Variants in PUDP observed in about 807,000 individuals in gnomAD.
PUDP encodes the protein pseudouridine-5'-phosphatase.
A neutral mutation model predicts 9.4 loss-of-function variants in PUDP; 8 were observed. That is an observed-to-expected ratio of 0.85 (90% CI 0.50 to 1.53). PUDP has a LOEUF of 1.53. Among genes scored for constraint, PUDP ranks in the 40% most tolerant of loss-of-function variants. PUDP has a pLI of 0.00. For missense variants in PUDP, 188 were observed against 189.7 expected (o/e 0.99, Z 0.05); for synonymous variants, 99 against 80.7 (o/e 1.23, Z -1.22).
At chrX:7,107,847 G>A (rs1432326923) in intron 1 of PUDP, among the ~76,000 whole-genome samples, 3 of 112,218 alleles carry the variant, frequency 2.7e-5, no homozygotes, top group African/African-American at 6.5e-5. Flanking sequence ...AGAGAGTTAG[G>A]GCAGGTTTTA....
intron 3 of PUDP, among the ~76,000 whole-genome samples, chrX:6,830,740 T>G (rs1218426427): frequency 2.7e-5 from 3 of 112,126 alleles, no homozygotes; most frequent in African/African-American, 9.7e-5. Flanking sequence ...TTAAGTGTAG[T>G]TATCAAAATA....
chrX:7,111,029 A>C (rs192908185), intron 1 of PUDP, among the ~76,000 whole-genome samples: 21 of 111,392 alleles, frequency 1.9e-4, no homozygotes, highest in Admixed American at 2.8e-4. Flanking sequence ...CCAAGTGTGG[A>C]GGGAGGGAGG....
At chrX:6,720,287 T>TATATATAC (rs1162322257) in intron 1 of PUDP, among the ~76,000 whole-genome samples, 18 of 83,137 alleles carry the variant, frequency 2.2e-4, no homozygotes, top group East Asian at 1.1e-3. Flanking sequence ...TATATATATA[T>TATATATAC]ACACACACAC....
At chrX:6,847,682 T>C (rs1045296608) in intron 3 of PUDP, among the ~76,000 whole-genome samples, 2 of 112,461 alleles carry the variant, frequency 1.8e-5, no homozygotes, top group African/African-American at 6.5e-5. Flanking sequence ...ATAAGTGTAT[T>C]GGTTAGCTAT....
At chrX:7,125,989 T>C (rs1320717295) in intron 1 of PUDP, among the ~76,000 whole-genome samples, 6 of 110,884 alleles carry the variant, frequency 5.4e-5, no homozygotes, top group Admixed American at 9.6e-5. Flanking sequence ...GCATTCCCTA[T>C]CAATGGCCTG....
chrX:6,816,921 A>G (rs754395251), intron 3 of PUDP, among the ~76,000 whole-genome samples: 1 of 95,314 alleles, frequency 1.0e-5, no homozygotes, highest in African/African-American at 3.9e-5. Context: ...TATAGTATAT[A>G]TAATATATAT....
At chrX:6,751,363 C>A (rs181021316) in intron 3 of PUDP, among the ~76,000 whole-genome samples, 1 of 111,211 alleles carries the variant, frequency 9.0e-6, no homozygotes, top group Admixed American at 9.5e-5. Context: ...CTTGACAATT[C>A]CCTTCGCAAA....
rs1461137101 is a variant in PUDP at position 6,742,991 on chromosome X, C to A, written c.*248-36525G>T. ...AAAAGCCCCCTTTTAAAATGCTGGACTTCTTTGTTTGGAAAAATGGGAACC... is the reference window on the plus strand; with the variant it reads ...AAAAGCCCCCTTTTAAAATGCTGGAATTCTTTGTTTGGAAAAATGGGAACC... On this transcript the variant is annotated intron_variant and NMD_transcript_variant, in intron 3 of 3. Transcript: ENST00000655425. Among the ~76,000 whole-genome samples, 6 of 111,869 alleles carry A rather than the reference C, an allele frequency of 5.4e-5. No homozygotes were observed. In the East Asian group the frequency reaches 1.7e-3, roughly 31 times the overall value.
At chrX:6,907,311 C>T (rs1172519191) in intron 3 of PUDP, among the ~76,000 whole-genome samples, 1 of 111,503 alleles carries the variant, frequency 9.0e-6, no homozygotes, top group Non-Finnish European at 1.9e-5. Flanking sequence ...CTCCACAGCC[C>T]TGTGGAAATG....
At chrX:7,007,579 AT>A (rs1292489757) in intron 1 of PUDP, among the ~76,000 whole-genome samples, 2 of 112,734 alleles carry the variant, frequency 1.8e-5, no homozygotes, top group Non-Finnish European at 3.8e-5. Context: ...ATATTGAGCA[AT>A]GAGGCATCTC....
chrX:6,932,441 C>T (rs1368042305), intron 3 of PUDP, among the ~76,000 whole-genome samples: 4 of 111,893 alleles, frequency 3.6e-5, no homozygotes, highest in Admixed American at 2.8e-4. Flanking sequence ...CTTGGTAACC[C>T]CCATGTCTTC....
intron 3 of PUDP, among the ~76,000 whole-genome samples, chrX:7,051,392 G>A (rs550486879): frequency 2.7e-5 from 3 of 111,127 alleles, no homozygotes; most frequent in South Asian, 3.9e-4. Flanking sequence ...GGGGACTAGC[G>A]GGGTGAGGAA....
intron 3 of PUDP, among the ~76,000 whole-genome samples, chrX:6,926,306 A>G (rs1018005991): frequency 8.9e-6 from 1 of 112,254 alleles, no homozygotes; most frequent in African/African-American, 3.2e-5. Flanking sequence ...GCTGCCTCTC[A>G]GCCTTCTGCT....
intron 3 of PUDP, among the ~76,000 whole-genome samples, chrX:6,766,182 A>G (rs942842325): frequency 2.7e-5 from 3 of 112,114 alleles, no homozygotes; most frequent in African/African-American, 6.5e-5. Context: ...ACGTTCTCCA[A>G]TGAAGAAAAT....
intron 1 of PUDP, among the ~76,000 whole-genome samples, chrX:7,031,959 A>T (rs1273061955): frequency 7.1e-5 from 8 of 112,495 alleles, no homozygotes; most frequent in African/African-American, 2.6e-4. Context: ...AGATAGATGA[A>T]AAGGCAATTC....
chrX:6,741,541 T>C (rs779398424), intron 3 of PUDP, among the ~76,000 whole-genome samples: 2 of 111,172 alleles, frequency 1.8e-5, no homozygotes, highest in Non-Finnish European at 3.8e-5. Flanking sequence ...GAGGGATATA[T>C]AGAGATAGAT....
At chrX:6,708,700 G>T (rs1317595440) in intron 1 of PUDP, among the ~76,000 whole-genome samples, 1 of 111,628 alleles carries the variant, frequency 9.0e-6, no homozygotes, top group African/African-American at 3.3e-5. Context: ...TCCATTTATT[G>T]CCAGGATCTC....
At chrX:6,720,517 G>A (rs969005591) in intron 1 of PUDP, among the ~76,000 whole-genome samples, 34 of 105,783 alleles carry the variant, frequency 3.2e-4, no homozygotes, top group Non-Finnish European at 5.6e-4. Context: ...GGGGACACTG[G>A]AGAGATGTTG....
intron 1 of PUDP, among the ~76,000 whole-genome samples, chrX:7,023,974 C>T: frequency 8.9e-6 from 1 of 111,879 alleles, no homozygotes; most frequent in Non-Finnish European, 1.9e-5. Flanking sequence ...ATTTCTGAAG[C>T]TACTGAAAAT....
Sources: allele counts gnomAD v4.1 joint callset (sites outside exome capture counted in the v4.1 genomes callset), GRCh38; gene constraint gnomAD v4.1.1; transcripts MANE v1.5; gene names NCBI Gene and HGNC (gene_info 2026-07-23, HGNC 2026-07-21).